CR1: variants seen among roughly 807,000 people sequenced by gnomAD.
CR1 encodes the protein complement receptor type 1.
CR1 carries 116 observed loss-of-function variants against 187.3 expected under a neutral mutation model. The observed-to-expected ratio is 0.62, with a 90% CI of 0.53 to 0.72. The LOEUF is 0.72. CR1 is among the 30% of genes least tolerant of loss of function. CR1 has a pLI of 0.00. For missense variants in CR1, 1,731 were observed against 2,110.7 expected, an observed-to-expected ratio of 0.82 and a Z score of 3.52; for synonymous variants, 576 against 747.1, an observed-to-expected ratio of 0.77 and a Z score of 3.73.
chr1:207,580,906 A>G (rs954895857), intron 31 of CR1, among the ~76,000 whole-genome samples: 10 of 152,232 alleles, frequency 6.6e-5, no homozygotes, highest in Non-Finnish European at 1.5e-4. Context: ...GGAGACTAAT[A>G]TCTGAAACAA....
intron 46 of CR1, among the ~76,000 whole-genome samples, chr1:207,634,300 G>A (rs750576626): frequency 2.6e-5 from 4 of 152,012 alleles, no homozygotes; most frequent in Non-Finnish European, 5.9e-5. Context: ...ATCACTTTTC[G>A]GTAGGTATAA....
Position 207,609,342 on chromosome 1 carries a change from C to A in CR1, c.5949C>A (p.Asn1983Lys), listed in dbSNP as rs1400987723. ...PTISNGDFYS[N>K]NRTSFHNGTV... ...TATCCAATGGAGACTTCTACAGCAA[C>A]AATAGAACATCTTTTCACAATGGAA... is the stretch of plus-strand genomic sequence containing the variant. Residue 1983 changes from asparagine to lysine, a missense_variant, in exon 37 of 47, where the codon AAC becomes AAA. Transcript: ENST00000367049. 1 of 1,613,802 alleles carries A rather than the reference C, an allele frequency of 6.2e-7. No individual in the cohort carries two copies. Among genetic ancestry groups the A allele is most frequent in the African/African-American group, 1.3e-5 (1 of 74,908 alleles).
intron 4 of CR1, among the ~76,000 whole-genome samples, chr1:207,515,229 GTATA>G (rs1243246597): frequency 1.7e-3 from 232 of 133,384 alleles, no homozygotes; most frequent in African/African-American, 7.4e-3. Context: ...ATATATATAC[GTATA>G]TATACATATA....
chr1:207,504,692 T>G (rs548614154), intron 1 of CR1, among the ~76,000 whole-genome samples: 5 of 152,222 alleles, frequency 3.3e-5, no homozygotes, highest in Non-Finnish European at 7.3e-5. Flanking sequence ...CACCTTATCC[T>G]TTAGTGAAAG....
intron 1 of CR1, among the ~76,000 whole-genome samples, chr1:207,497,173 C>A (rs1190104827): frequency 6.6e-6 from 1 of 152,176 alleles, no homozygotes; most frequent in Non-Finnish European, 1.5e-5. Flanking sequence ...GTAACCGTTG[C>A]AGGTAGAAGG....
At chr1:207,603,085 C>T (rs1344464400) in intron 35 of CR1, among the ~76,000 whole-genome samples, 1 of 151,966 alleles carries the variant, frequency 6.6e-6, no homozygotes, top group Non-Finnish European at 1.5e-5. Flanking sequence ...TTAATGTAAT[C>T]AGTTTCAATG....
chr1:207,508,919 T>C (rs561919256), intron 3 of CR1, among the ~76,000 whole-genome samples: 1 of 152,188 alleles, frequency 6.6e-6, no homozygotes, highest in African/African-American at 2.4e-5. Flanking sequence ...CCTATGTAAG[T>C]GATACCTTAT....
rs181187595 is a variant in CR1 at position 207,589,157 on chromosome 1, G to A, written c.5810+383G>A. ...AGTTGAGTTGGAGGACCCTGAAGCA[G>A]AGTTTGGGAGGGTAAACATTAATTG... is the stretch of plus-strand genomic sequence containing the variant. On this transcript the variant is annotated intron_variant, in intron 35 of 46. Transcript: ENST00000367049. Among the ~76,000 whole-genome samples the A allele has an allele frequency of 2.3e-3, 353 of 152,294 alleles. 3 individuals are homozygous for A. The highest frequency in any genetic ancestry group is 8.2e-3 in the African/African-American group (341 of 41,580).
At chr1:207,587,691 G>A (rs778007865) in intron 34 of CR1, 126 bp downstream of exon 34, 83 of 861,006 alleles carry the variant, frequency 9.6e-5, no homozygotes, top group Non-Finnish European at 1.4e-4. Context: ...TTGAACTCAG[G>A]AGTTCGCAAC....
chr1:207,630,630 A>G lies in CR1; in HGVS notation c.7457+9A>G, dbSNP rs775960754. The G allele has an allele frequency of 6.5e-7, 1 of 1,533,072 alleles. No homozygotes were observed. The highest frequency in any genetic ancestry group is 1.3e-5 in the South Asian group (1 of 79,048). The allele number at this position is 1,533,072 out of a possible 1,614,324, so 95.0% of individuals were successfully genotyped here. On this transcript the variant is annotated intron_variant, in intron 46 of 46. Coordinates refer to ENST00000367049, the MANE Select transcript of CR1 (RefSeq NM_000651.6). The stretch of plus-strand genomic sequence containing the variant: ...AATGAAGAAAATAGCAGGTACCTAT[A>G]TACATACTGAATTCAAAATGTTTTC...
At chr1:207,515,133 A>ATATACG (rs1659752686) in intron 4 of CR1, among the ~76,000 whole-genome samples, 1 of 147,552 alleles carries the variant, frequency 6.8e-6, no homozygotes, top group South Asian at 2.1e-4. Context: ...ACGTACGTAT[A>ATATACG]TATACGTGTA....
chr1:207,581,307 C>CGTATATGTATACGTATACATGTACATGT (rs1558245617), intron 31 of CR1, among the ~76,000 whole-genome samples: 23 of 145,156 alleles, frequency 1.6e-4, no homozygotes, highest in Non-Finnish European at 3.2e-4. Flanking sequence ...CATATGGACA[C>CGTATATGTATACGTATACATGTACATGT]GTATATGTAT....
chr1:207,581,851 T>G, intron 31 of CR1, 67 bp from the exon 32 acceptor site: 19 of 1,079,730 alleles, frequency 1.8e-5, no homozygotes, highest in South Asian at 3.8e-5. Flanking sequence ...GGGAGGAGGT[T>G]GAGATCTGTC....
At chr1:207,567,367 G>T (rs1439481094) in intron 24 of CR1, among the ~76,000 whole-genome samples, 1 of 149,170 alleles carries the variant, frequency 6.7e-6, no homozygotes, top group African/African-American at 2.6e-5. Context: ...AGTAATCAGT[G>T]AAAGGTTTCA....
At chr1:207,572,261 A>G (rs1258821409) in intron 27 of CR1, among the ~76,000 whole-genome samples, 6 of 145,388 alleles carry the variant, frequency 4.1e-5, no homozygotes, top group Admixed American at 4.1e-4. Context: ...ATGTTATCAA[A>G]CAGCATTGCA....
intron 46 of CR1, among the ~76,000 whole-genome samples, chr1:207,634,222 T>C (rs56184632): frequency 2.0e-5 from 3 of 152,328 alleles, no homozygotes; most frequent in African/African-American, 4.8e-5. Flanking sequence ...GAAAATTTCA[T>C]TTATCCTCAA....
At chr1:207,499,326 A>G (rs866810571) in intron 1 of CR1, among the ~76,000 whole-genome samples, 1 of 152,248 alleles carries the variant, frequency 6.6e-6, no homozygotes, top group Non-Finnish European at 1.5e-5. Context: ...TCCCATATGT[A>G]TGCACCTGAT....
At position 207,619,999 on chromosome 1, in the gene CR1, G is replaced by A. The variant is rs1662267606; in HGVS notation, c.7186G>A (p.Gly2396Ser). Residue 2396 changes from glycine (G) to serine (S), a missense_variant, in exon 43 of 47, where the codon GGC (glycine) becomes AGC (serine). By Grantham distance (56) the Gly-to-Ser change is moderately conservative (BLOSUM62 0). Coordinates refer to ENST00000367049, the MANE Select transcript of CR1 (RefSeq NM_000651.6). ...LKCEDGYTLE[G>S]SPWSQCQADD... is the part of the protein sequence containing the mutation. ...GTGTGAAGATGGGTATACTCTGGAA[G>A]GCAGTCCCTGGAGCCAGTGCCAGGC... 1 of 1,613,740 alleles carries A rather than the reference G, an allele frequency of 6.2e-7. No individual in the cohort carries two copies. The highest frequency in any genetic ancestry group is 1.7e-5 in the Admixed American group (1 of 59,988).
At position 207,582,004 on chromosome 1, in the gene CR1, G is replaced by GT. The variant is rs1558246302; in HGVS notation, c.5302+2dup. The GT allele has an allele frequency of 6.2e-7, 1 of 1,600,968 alleles. No individual in the cohort carries two copies. The highest frequency in any genetic ancestry group is 1.1e-5 in the South Asian group (1 of 90,584). ...AATAACAGTGTTCCTGTGTGTGAAC[G>GT]TGAGTAGATGGAATACTTGTTCAGT... On this transcript the variant is annotated splice_donor_variant, in intron 32 of 46. Coordinates refer to ENST00000367049, the MANE Select transcript of CR1 (RefSeq NM_000651.6). LOFTEE classifies it high-confidence loss of function.
Sources: allele counts gnomAD v4.1 joint callset (sites outside exome capture counted in the v4.1 genomes callset), GRCh38; gene constraint gnomAD v4.1.1; transcripts MANE v1.5; gene names NCBI Gene and HGNC (gene_info 2026-07-23, HGNC 2026-07-21).